OR3A2: variants seen among roughly 807,000 people sequenced by gnomAD.
The protein encoded by OR3A2 is olfactory receptor family 3 subfamily A member 2, also known as olfactory receptor 3A2.
For missense variants in OR3A2, 318 were observed against 392.8 expected (o/e 0.81, Z 1.61); for synonymous variants, 126 against 159.3 (o/e 0.79, Z 1.57).
intron 2 of OR3A2, among the ~76,000 whole-genome samples, chr17:3,347,429 G>A (rs1002737945): frequency 6.6e-6 from 1 of 151,924 alleles, no homozygotes; most frequent in Non-Finnish European, 1.5e-5. Context: ...AGAGTGTGAT[G>A]TTCCCCTTCC....
rs553464584 is a variant in OR3A2, at chr17:3,367,601, GTATA to G, written c.-179+16199_-179+16202del. Among the ~76,000 whole-genome samples, 8 of 122,514 alleles carry G rather than the reference GTATA, an allele frequency of 6.5e-5. 1 individual carries two copies. The highest frequency in any genetic ancestry group is 3.9e-3 in the Middle Eastern group (1 of 256). 80.4% of individuals were successfully genotyped at this position (122,514 alleles called of 152,430 possible). A position where few individuals can be genotyped will look rare whatever the true frequency, so the allele number is the denominator to read the frequency against. On this transcript the variant is annotated intron_variant, in intron 2 of 4. Transcript: ENST00000573491. ...TGTATATGTATATGTGTGTGTGTGT[GTATA>G]TATATATATATATATATGCCATTTT...
Position 3,278,930 on chromosome 17 carries a change from G to C in OR3A2, c.-6-7C>G. On this transcript the variant is annotated splice_region_variant and splice_polypyrimidine_tract_variant and intron_variant, in intron 1 of 1. Coordinates refer to ENST00000642052, the Ensembl canonical transcript of OR3A2. ...CTTCTGGCTCCATGAGTTTCTGTAAGGACATGTCCCAGCAGGGGAGGTATC... is the reference window on the plus strand; with the variant it reads ...CTTCTGGCTCCATGAGTTTCTGTAACGACATGTCCCAGCAGGGGAGGTATC... 1 of 1,537,794 alleles carries C rather than the reference G, an allele frequency of 6.5e-7. No homozygotes were observed. Among genetic ancestry groups the C allele is most frequent in the Non-Finnish European group, 8.7e-7 (1 of 1,146,872 alleles).
intron 2 of OR3A2, among the ~76,000 whole-genome samples, chr17:3,338,035 A>G (rs371236): frequency 0.67 from 101,979 of 152,120 alleles, 35,362 homozygotes; most frequent in East Asian, 1. Context: ...GTGATGATGA[A>G]CATTTTTTCA....
chr17:3,376,124 T>C (rs1349510512), intron 2 of OR3A2, among the ~76,000 whole-genome samples: 1 of 152,246 alleles, frequency 6.6e-6, no homozygotes, highest in African/African-American at 2.4e-5. Context: ...GGATCTCTGG[T>C]TGACCAGGGT....
At chr17:3,371,447 C>G (rs1416314675) in intron 2 of OR3A2, among the ~76,000 whole-genome samples, 2 of 139,482 alleles carry the variant, frequency 1.4e-5, no homozygotes, top group African/African-American at 5.4e-5. Flanking sequence ...CCCTCCCGGA[C>G]GGGGTGGCTG....
At chr17:3,293,696 G>A (rs1235464682) in intron 3 of OR3A2, among the ~76,000 whole-genome samples, 2 of 152,122 alleles carry the variant, frequency 1.3e-5, no homozygotes, top group Non-Finnish European at 2.9e-5. Context: ...GCAAAGACAT[G>A]GAATCAACCC....
At chr17:3,341,320 T>C (rs2049316495) in intron 2 of OR3A2, among the ~76,000 whole-genome samples, 1 of 152,220 alleles carries the variant, frequency 6.6e-6, no homozygotes, top group Admixed American at 6.6e-5. Flanking sequence ...TGTTAGCTGG[T>C]GATTTTGCCC....
chr17:3,363,185 T>C (rs762273595), intron 2 of OR3A2, among the ~76,000 whole-genome samples: 3 of 151,848 alleles, frequency 2.0e-5, no homozygotes, highest in Non-Finnish European at 4.4e-5. Flanking sequence ...AGAAAATGGG[T>C]TTGTCTTTTC....
chr17:3,322,725 T>G (rs2049135186), intron 3 of OR3A2, among the ~76,000 whole-genome samples: 1 of 152,220 alleles, frequency 6.6e-6, no homozygotes, highest in Non-Finnish European at 1.5e-5. Flanking sequence ...GATTGCACTG[T>G]GGTCTGAGAG....
At chr17:3,282,863 G>A (rs1386481257) in intron 1 of OR3A2, among the ~76,000 whole-genome samples, 1 of 152,180 alleles carries the variant, frequency 6.6e-6, no homozygotes, top group Non-Finnish European at 1.5e-5. Context: ...CCTTGCTCAT[G>A]CTGTTTTCCC....
intron 3 of OR3A2, among the ~76,000 whole-genome samples, chr17:3,293,237 G>A (rs1227570093): frequency 6.6e-6 from 1 of 151,914 alleles, no homozygotes; most frequent in Non-Finnish European, 1.5e-5. Flanking sequence ...GGTATATGGT[G>A]TAAAGTATGG....
intron 3 of OR3A2, among the ~76,000 whole-genome samples, chr17:3,322,961 A>G (rs946330903): frequency 1.4e-4 from 22 of 152,104 alleles, no homozygotes; most frequent in Non-Finnish European, 2.5e-4. Context: ...TCTAATGTTG[A>G]CAGTGGGGTG....
chr17:3,334,494 G>A (rs1358369258), intron 3 of OR3A2, among the ~76,000 whole-genome samples: 1 of 152,154 alleles, frequency 6.6e-6, no homozygotes, highest in East Asian at 1.9e-4. Flanking sequence ...CTATATGGCT[G>A]AATAATATTC....
intron 3 of OR3A2, chr17:3,292,451 G>A (rs756598283): frequency 6.2e-6 from 10 of 1,613,862 alleles, no homozygotes; most frequent in Non-Finnish European, 8.5e-6. Flanking sequence ...TGCTGAGGTT[G>A]CCCCTGACCG....
intron 2 of OR3A2, among the ~76,000 whole-genome samples, chr17:3,377,216 A>G (rs889513409): frequency 2.0e-5 from 3 of 152,172 alleles, no homozygotes; most frequent in Non-Finnish European, 4.4e-5. Flanking sequence ...TGTCCAACCA[A>G]GGGGGAGCTG....
intron 3 of OR3A2, among the ~76,000 whole-genome samples, chr17:3,300,026 G>C (rs9893159): frequency 6.6e-6 from 1 of 151,696 alleles, no homozygotes. Context: ...TTTGAGGCTC[G>C]GGGAAGTTTA....
upstream of OR3A2, among the ~76,000 whole-genome samples, chr17:3,288,246 C>CAAAAAAAAAAAAAAAAAAAGAAA (rs2048833087): frequency 2.7e-5 from 2 of 73,482 alleles, no homozygotes; most frequent in Non-Finnish European, 5.7e-5. Flanking sequence ...ACCAAAAGGG[C>CAAAAAAAAAAAAAAAAAAAGAAA]AAAAAAAAAA....
intron 2 of OR3A2, among the ~76,000 whole-genome samples, chr17:3,341,172 G>C (rs1360901107): frequency 6.6e-6 from 1 of 152,116 alleles, no homozygotes; most frequent in Non-Finnish European, 1.5e-5. Context: ...CTGCCCATGA[G>C]ATGGGTCACC....
chr17:3,382,926 C>G (rs1433158130), intron 2 of OR3A2, among the ~76,000 whole-genome samples: 3 of 152,152 alleles, frequency 2.0e-5, no homozygotes, highest in African/African-American at 7.2e-5. Flanking sequence ...AGCCCCGGAA[C>G]CCAGCACAAT....
Sources: allele counts gnomAD v4.1 joint callset (sites outside exome capture counted in the v4.1 genomes callset), GRCh38; gene constraint gnomAD v4.1.1; transcripts MANE v1.5; gene names NCBI Gene and HGNC (gene_info 2026-07-23, HGNC 2026-07-21).